GUCY2F: variants seen among roughly 807,000 people sequenced by gnomAD.
GUCY2F encodes the protein retinal guanylyl cyclase 2.
GUCY2F carries 61 observed loss-of-function variants against 73.1 expected under a neutral mutation model. That is an observed-to-expected ratio of 0.83 (90% CI 0.68 to 1.03). The LOEUF (loss-of-function observed/expected upper bound fraction) is 1.03. Ranked by LOEUF, GUCY2F falls within the 50% of genes least tolerant of loss-of-function variation. The probability of loss-of-function intolerance (pLI) is 0.00; values close to 1 mark genes in which losing one functional copy is unlikely to be tolerated. For synonymous variants in GUCY2F, 331 were observed against 307.8 expected, an observed-to-expected ratio of 1.08 and a Z score of -0.79; for missense variants, 912 against 854.3, an observed-to-expected ratio of 1.07 and a Z score of -0.84.
chrX:109,382,859 A>C (rs997406969), intron 16 of GUCY2F, among the ~76,000 whole-genome samples: 4 of 111,800 alleles, frequency 3.6e-5, no homozygotes, highest in Non-Finnish European at 7.5e-5. Context: ...TGCCACGTTA[A>C]AATTTTATTT....
At chrX:109,414,958 A>G (rs1417849736) in intron 8 of GUCY2F, among the ~76,000 whole-genome samples, 1 of 111,657 alleles carries the variant, frequency 9.0e-6, no homozygotes, top group African/African-American at 3.3e-5. Context: ...TACAGAATCT[A>G]ATAGGTCATT....
intron 17 of GUCY2F, among the ~76,000 whole-genome samples, chrX:109,381,090 A>G (rs1930296580): frequency 8.9e-6 from 1 of 112,154 alleles, no homozygotes; most frequent in Admixed American, 9.4e-5. Context: ...TATTGGAAGG[A>G]AAAAACTAGG....
In GUCY2F at chrX:109,475,452, T is replaced by C; in HGVS notation, c.485A>G (p.Tyr162Cys). The C allele has an allele frequency of 8.3e-7, 1 of 1,210,813 alleles. No individual in the cohort carries two copies. Among genetic ancestry groups the C allele is most frequent in the Non-Finnish European group, 1.1e-6 (1 of 895,003 alleles). The change falls in exon 2 of 20, where the codon TAC becomes TGC. Residue 162 changes from tyrosine to cysteine, a missense_variant. Transcript: ENST00000218006. ...AGGGAGTGTCCGAGAAAAGGTCGGG[T>C]AGCTAATTTTATTGTCTAATTCATA... ...VNYELDNKIS[Y>C]PTFSRTLPSP...
chrX:109,477,169 A>C (rs1366891656), intron 1 of GUCY2F, among the ~76,000 whole-genome samples: 1 of 111,559 alleles, frequency 9.0e-6, no homozygotes, highest in Non-Finnish European at 1.9e-5. Flanking sequence ...ACCTAGAGGA[A>C]TGGGATCATC....
At chrX:109,414,075 C>T (rs1203746821) in intron 8 of GUCY2F, among the ~76,000 whole-genome samples, 1 of 110,915 alleles carries the variant, frequency 9.0e-6, no homozygotes, top group African/African-American at 3.3e-5. Flanking sequence ...GAATCTCCTC[C>T]CAAATAGCTA....
intron 10 of GUCY2F, among the ~76,000 whole-genome samples, chrX:109,403,526 C>A (rs747948984): frequency 3.6e-5 from 4 of 111,952 alleles, no homozygotes; most frequent in Non-Finnish European, 7.5e-5. Context: ...TACCTAGTAG[C>A]TGATGAAAGA....
intron 15 of GUCY2F, among the ~76,000 whole-genome samples, chrX:109,387,073 T>C (rs990158816): frequency 6.9e-4 from 77 of 112,106 alleles, no homozygotes; most frequent in African/African-American, 2.2e-3. Flanking sequence ...ACACAGATTA[T>C]GCTGATGACT....
chrX:109,430,205 C>T, intron 8 of GUCY2F, 102 bp downstream of exon 8: 3 of 552,473 alleles, frequency 5.4e-6, no homozygotes, highest in East Asian at 6.6e-5. Flanking sequence ...AGTTTCCCTG[C>T]ACTGATTTGT....
At chrX:109,406,152 T>A (rs1224295921) in intron 9 of GUCY2F, among the ~76,000 whole-genome samples, 1 of 111,831 alleles carries the variant, frequency 8.9e-6, no homozygotes, top group African/African-American at 3.3e-5. Context: ...ATGGCGTTCA[T>A]GGGATCCCCA....
At position 109,409,067 on chromosome X, in the gene GUCY2F, T is replaced by C. The variant is rs750557387; in HGVS notation, c.1893A>G (p.Leu631=). 2.7e-6 allele frequency: 3 copies of C among 1,106,381 alleles called. No homozygotes were observed. The highest frequency in any genetic ancestry group is 4.4e-5 in the Admixed American group (2 of 45,959). The allele number at this position is 1,106,381 out of a possible 1,213,427, so 91.2% of individuals were successfully genotyped here. The change falls in exon 9 of 20, where the codon CTA becomes CTG. Residue 631 remains leucine, a synonymous_variant. Transcript: ENST00000218006. ...IVTEFCSRGS[L]EDILTNQDVK... Reference sequence around the variant, plus strand: ...CATCTTGATTTGTCAGTATGTCTTCTAGGCTCCCTCGGGAACAGAATTCTG... The same window carrying C: ...CATCTTGATTTGTCAGTATGTCTTCCAGGCTCCCTCGGGAACAGAATTCTG...
chrX:109,438,722 G>A (rs1931808071), intron 7 of GUCY2F, among the ~76,000 whole-genome samples: 1 of 112,744 alleles, frequency 8.9e-6, no homozygotes, highest in African/African-American at 3.2e-5. Context: ...GAGCCAGTAT[G>A]ACTGCAGCTC....
chrX:109,458,956 T>C (rs1390280200), intron 3 of GUCY2F, among the ~76,000 whole-genome samples: 1 of 111,673 alleles, frequency 9.0e-6, no homozygotes, highest in Admixed American at 9.5e-5. Context: ...AAATCTGAGC[T>C]TAATAAATAC....
At chrX:109,408,217 A>T (rs976684902) in intron 9 of GUCY2F, among the ~76,000 whole-genome samples, 2 of 112,284 alleles carry the variant, frequency 1.8e-5, no homozygotes, top group African/African-American at 6.5e-5. Flanking sequence ...TTGGAGCTTT[A>T]AAATTTGACT....
intron 7 of GUCY2F, among the ~76,000 whole-genome samples, chrX:109,434,352 G>A (rs1191550783): frequency 9.1e-6 from 1 of 109,707 alleles, no homozygotes; most frequent in Non-Finnish European, 1.9e-5. Context: ...ACATTTCAAA[G>A]GCTATCTGTG....
chrX:109,388,772 A>G, intron 14 of GUCY2F, 109 bp from the exon 15 acceptor site: 1 of 486,245 alleles, frequency 2.1e-6, no homozygotes, highest in Admixed American at 3.1e-5. Flanking sequence ...AAAGTGAGAA[A>G]GGCAGAGAGG....
At chrX:109,377,706 C>T (rs1259375468) in intron 17 of GUCY2F, among the ~76,000 whole-genome samples, 1 of 111,678 alleles carries the variant, frequency 9.0e-6, no homozygotes, top group African/African-American at 3.3e-5. Flanking sequence ...GGGCCCCCCA[C>T]CCTCAGCCAT....
At chrX:109,466,233 T>C (rs966360656) in intron 2 of GUCY2F, among the ~76,000 whole-genome samples, 7 of 111,768 alleles carry the variant, frequency 6.3e-5, no homozygotes, top group African/African-American at 2.3e-4. Flanking sequence ...GCATCCCTAA[T>C]CCAAAAATCT....
Position 109,453,856 on chromosome X carries a change from A to G in GUCY2F, c.1036T>C (p.Ser346Pro), listed in dbSNP as rs764110123. The G allele has an allele frequency of 2.7e-6, 3 of 1,112,994 alleles. No individual in the cohort carries two copies. In the East Asian group the frequency reaches 9.0e-5, roughly 34 times the overall value. The allele number at this position is 1,112,994 out of a possible 1,213,427, so 91.7% of individuals were successfully genotyped here. A position where few individuals can be genotyped will look rare whatever the true frequency, so the allele number is the denominator to read the frequency against. ...TTGTAGATGGTTCCAAACAACGGTG[A>G]AACCTATTTTTAAAAATTACAATTA... ...IPEKLEFDQV[S>P]PLFGTIYNSI... Residue 346 changes from serine to proline, a missense_variant, in exon 4 of 20, where the codon TCA (serine) becomes CCA (proline). Physicochemically the swap from Ser to Pro is moderately conservative, Grantham distance 74 (BLOSUM62 -1). Coordinates refer to ENST00000218006, the MANE Select transcript of GUCY2F (RefSeq NM_001522.3).
chrX:109,424,656 G>C (rs1428374534), intron 8 of GUCY2F, among the ~76,000 whole-genome samples: 2 of 111,172 alleles, frequency 1.8e-5, no homozygotes, highest in African/African-American at 6.6e-5. Flanking sequence ...GCATAGGTGG[G>C]GACAGGAGAT....
Sources: allele counts gnomAD v4.1 joint callset (sites outside exome capture counted in the v4.1 genomes callset), GRCh38; gene constraint gnomAD v4.1.1; transcripts MANE v1.5; gene names NCBI Gene and HGNC (gene_info 2026-07-23, HGNC 2026-07-21).